The following THSD7B variants were observed in gnomAD, a reference collection of about 807,000 sequenced individuals.
The protein encoded by THSD7B is thrombospondin type 1 domain containing 7B.
In THSD7B, 138 loss-of-function variants were observed where a neutral mutation model predicts 213.6. The ratio of observed to expected loss-of-function variants is 0.65; its 90% CI spans 0.56 to 0.74. THSD7B has a LOEUF of 0.74. THSD7B is among the 30% of genes least tolerant of loss of function. THSD7B has a pLI of 0.00. For missense variants in THSD7B, 1,931 were observed against 1,991.5 expected, an observed-to-expected ratio of 0.97 and a Z score of 0.58; for synonymous variants, 742 against 687.0, an observed-to-expected ratio of 1.08 and a Z score of -1.25.
chr2:137,549,045 A>T (rs1335547561), intron 15 of THSD7B, among the ~76,000 whole-genome samples: 1 of 152,066 alleles, frequency 6.6e-6, no homozygotes, highest in Non-Finnish European at 1.5e-5. Flanking sequence ...GCAAAAGTCC[A>T]TAAGGAAAGT....
chr2:137,566,892 G>A (rs569855495), intron 16 of THSD7B, among the ~76,000 whole-genome samples: 6 of 152,108 alleles, frequency 3.9e-5, no homozygotes, highest in Non-Finnish European at 7.4e-5. Context: ...TTGGCAAGAT[G>A]GTCAGCAAAA....
Position 137,231,101 on chromosome 2 carries a change from G to T in THSD7B, c.1781G>T (p.Cys594Phe). 6.2e-7 allele frequency: 1 copy of T among 1,613,814 alleles called. No homozygotes were observed. The highest frequency in any genetic ancestry group is 8.5e-7 in the Non-Finnish European group (1 of 1,179,788). Residue 594 changes from cysteine (C) to phenylalanine (F), a missense_variant, in exon 8 of 28, where the codon TGT (cysteine) becomes TTT (phenylalanine). Coordinates refer to ENST00000409968, the MANE Select transcript of THSD7B (RefSeq NM_001316349.2). The stretch of plus-strand genomic sequence containing the variant: ...CCCCCTCCTCCTGAGAGGAAGTCTT[G>T]TGAAATTCCCTGCCGAATGGACTGT... Reference protein sequence around the residue: ...PVPPPPERKSCEIPCRMDCVL... With the variant: ...PVPPPPERKSFEIPCRMDCVL...
At chr2:137,538,862 T>G (rs1350798002) in intron 15 of THSD7B, among the ~76,000 whole-genome samples, 13 of 151,674 alleles carry the variant, frequency 8.6e-5, no homozygotes, top group African/African-American at 3.1e-4. Flanking sequence ...ACTTTCAGAA[T>G]GTCTTAAATG....
chr2:137,102,384 T>C (rs1005728725), intron 4 of THSD7B, among the ~76,000 whole-genome samples: 21 of 152,112 alleles, frequency 1.4e-4, no homozygotes, highest in African/African-American at 5.1e-4. Context: ...CATCAGAAGT[T>C]CACCAACATC....
At chr2:137,581,712 A>G (rs966175295) in intron 17 of THSD7B, among the ~76,000 whole-genome samples, 3 of 149,640 alleles carry the variant, frequency 2.0e-5, no homozygotes, top group Non-Finnish European at 4.5e-5. Flanking sequence ...GTGAGCCGAG[A>G]TCCCGCCACT....
At chr2:136,823,434 A>G (rs1347846562) in intron 1 of THSD7B, among the ~76,000 whole-genome samples, 1 of 152,158 alleles carries the variant, frequency 6.6e-6, no homozygotes, top group Non-Finnish European at 1.5e-5. Context: ...TTGACGACGC[A>G]AGACGGACTC....
At chr2:136,804,217 G>A (rs977850970) in intron 1 of THSD7B, among the ~76,000 whole-genome samples, 9 of 152,158 alleles carry the variant, frequency 5.9e-5, no homozygotes, top group Admixed American at 2.0e-4. Context: ...GTGATCTTCA[G>A]CAATGTAATT....
intron 3 of THSD7B, among the ~76,000 whole-genome samples, chr2:137,062,064 G>A (rs1558904605): frequency 6.6e-6 from 1 of 151,608 alleles, no homozygotes; most frequent in Non-Finnish European, 1.5e-5. Context: ...CTCTTTGTGT[G>A]TTTTGCTAGA....
intron 3 of THSD7B, among the ~76,000 whole-genome samples, chr2:137,089,477 C>A (rs1334602706): frequency 6.6e-6 from 1 of 150,766 alleles, no homozygotes; most frequent in East Asian, 1.9e-4. Context: ...TATGACTCAG[C>A]CATAAAAAGG....
At chr2:137,063,199 A>T (rs1687311568) in intron 3 of THSD7B, among the ~76,000 whole-genome samples, 1 of 144,464 alleles carries the variant, frequency 6.9e-6, no homozygotes, top group Non-Finnish European at 1.5e-5. Flanking sequence ...TGTCTTGTAG[A>T]TAACATATAA....
chr2:137,165,999 C>A (rs35017837), intron 6 of THSD7B, among the ~76,000 whole-genome samples: 10 of 151,970 alleles, frequency 6.6e-5, no homozygotes, highest in African/African-American at 2.2e-4. Context: ...TGTTTTATTG[C>A]GGAATAGAAG....
intron 12 of THSD7B, among the ~76,000 whole-genome samples, chr2:137,315,343 G>T (rs1684065616): frequency 6.6e-6 from 1 of 152,134 alleles, no homozygotes; most frequent in African/African-American, 2.4e-5. Flanking sequence ...CCCAAGTGAG[G>T]CAATGCCTCG....
chr2:137,107,443 G>C (rs972213607), intron 4 of THSD7B, among the ~76,000 whole-genome samples: 9 of 152,114 alleles, frequency 5.9e-5, no homozygotes, highest in Admixed American at 2.0e-4. Context: ...GTAGATGATG[G>C]GTTGACAGGT....
intron 15 of THSD7B, among the ~76,000 whole-genome samples, chr2:137,508,490 C>T (rs561607677): frequency 6.7e-6 from 1 of 149,916 alleles, no homozygotes; most frequent in African/African-American, 2.5e-5. Flanking sequence ...CATTCTCCTG[C>T]CTCTGCCTCC....
chr2:137,272,333 A>G (rs1682764590), intron 10 of THSD7B, among the ~76,000 whole-genome samples, 200 bp from the exon 11 acceptor site: 2 of 152,240 alleles, frequency 1.3e-5, no homozygotes, highest in Non-Finnish European at 1.5e-5. Context: ...CGAAATCACC[A>G]TTATTAAGTA....
intron 12 of THSD7B, among the ~76,000 whole-genome samples, chr2:137,337,969 T>C (rs1208052831): frequency 6.6e-6 from 1 of 152,084 alleles, no homozygotes; most frequent in Non-Finnish European, 1.5e-5. Flanking sequence ...CTAATCTGGT[T>C]ATTTAGTGCT....
chr2:137,170,047 G>A (rs918560736), intron 6 of THSD7B, among the ~76,000 whole-genome samples: 1 of 152,056 alleles, frequency 6.6e-6, no homozygotes, highest in Non-Finnish European at 1.5e-5. Context: ...GTACCTGCTT[G>A]ACTCCTGTTG....
Position 137,531,082 on chromosome 2 carries a change from G to A in THSD7B, c.3139-32139G>A, listed in dbSNP as rs115240482. ...AAAAATTACAAACCCATTGCTATGC[G>A]GACAGAAAATAAAATAAAATCATAG... On this transcript the variant is annotated intron_variant, in intron 15 of 27. Transcript: ENST00000409968. 3.6e-3 allele frequency among the ~76,000 whole-genome samples: 554 copies of A among 151,888 alleles called. 6 individuals are homozygous for A. Among genetic ancestry groups the A allele is most frequent in the African/African-American group, 0.013 (526 of 41,462 alleles).
chr2:137,621,717 G>T (rs1026988702), intron 20 of THSD7B, among the ~76,000 whole-genome samples: 1 of 152,148 alleles, frequency 6.6e-6, no homozygotes, highest in Non-Finnish European at 1.5e-5. Context: ...TAAGGACCTA[G>T]GGAGAAATCC....
Sources: gnomAD v4.1 joint callset for allele counts (sites outside exome capture counted in the v4.1 genomes callset) on GRCh38, gnomAD v4.1.1 for gene constraint, MANE v1.5 for transcripts, NCBI Gene and HGNC (gene_info 2026-07-23, HGNC 2026-07-21) for gene names.